The following BAZ2B variants were observed in gnomAD, a reference collection of about 807,000 sequenced individuals.
BAZ2B encodes bromodomain adjacent to zinc finger domain protein 2B.
A neutral mutation model predicts 246.0 loss-of-function variants in BAZ2B; 91 were observed. That is an observed-to-expected ratio of 0.37 (90% CI 0.31 to 0.44). The LOEUF is 0.44. Among genes scored for constraint, BAZ2B ranks in the 20% least tolerant of loss-of-function variants. The pLI is 1.00. For missense variants in BAZ2B, 2,332 were observed against 2,533.7 expected, an observed-to-expected ratio of 0.92 and a Z score of 1.71; for synonymous variants, 855 against 860.0, an observed-to-expected ratio of 0.99 and a Z score of 0.10.
chr2:159,496,312 G>A (rs1205608960), intron 2 of BAZ2B, among the ~76,000 whole-genome samples: 1 of 146,496 alleles, frequency 6.8e-6, no homozygotes, highest in Non-Finnish European at 1.5e-5. Context: ...GGAGGCGGAG[G>A]TTGCAGTAAG....
intron 2 of BAZ2B, among the ~76,000 whole-genome samples, chr2:159,534,914 A>G (rs1367172154): frequency 2.6e-5 from 4 of 152,210 alleles, no homozygotes; most frequent in African/African-American, 9.6e-5. Context: ...GCCTCCAAAC[A>G]TAAGTTCTAA....
chr2:159,527,834 T>C (rs932108226), intron 2 of BAZ2B, among the ~76,000 whole-genome samples: 1 of 152,220 alleles, frequency 6.6e-6, no homozygotes, highest in Non-Finnish European at 1.5e-5. Flanking sequence ...GAGTTATACA[T>C]GAGTGCACCT....
chr2:159,711,893 G>A, the BAZ2B span: 1 of 152,096 alleles, frequency 6.6e-6, no homozygotes, highest in African/African-American at 2.4e-5. Context: ...TAAAAGACAT[G>A]ATCACCATCA....
chr2:159,502,056 G>A (rs1417314785), intron 2 of BAZ2B, among the ~76,000 whole-genome samples: 2 of 152,098 alleles, frequency 1.3e-5, no homozygotes, highest in East Asian at 3.9e-4. Context: ...CTAAGTAAAA[G>A]AAGCCAGTCA....
chr2:159,570,184 T>G (rs1299457481), intron 1 of BAZ2B, among the ~76,000 whole-genome samples: 5 of 151,020 alleles, frequency 3.3e-5, no homozygotes, highest in East Asian at 1.9e-4. Context: ...TTTTTTTTGT[T>G]TTTTTTGTTT....
intron 25 of BAZ2B, among the ~76,000 whole-genome samples, chr2:159,377,891 T>C (rs2061590131): frequency 6.6e-6 from 1 of 150,544 alleles, no homozygotes; most frequent in Admixed American, 6.6e-5. Context: ...GATTTTCAAA[T>C]AGTCTATGTG....
At chr2:159,363,159 G>A (rs1235227900) in intron 27 of BAZ2B, among the ~76,000 whole-genome samples, 1 of 152,194 alleles carries the variant, frequency 6.6e-6, no homozygotes, top group Non-Finnish European at 1.5e-5. Flanking sequence ...ACAATGAGCA[G>A]TCTGGGTTGA....
intron 3 of BAZ2B, among the ~76,000 whole-genome samples, chr2:159,477,326 A>AAT (rs911131587): frequency 5.9e-5 from 9 of 151,560 alleles, no homozygotes; most frequent in Non-Finnish European, 1.2e-4. Context: ...AAAATTAAAA[A>AAT]ATATATATAT....
chr2:159,320,750 T>G (rs926096149), intron 36 of BAZ2B, among the ~76,000 whole-genome samples: 1 of 152,206 alleles, frequency 6.6e-6, no homozygotes, highest in Non-Finnish European at 1.5e-5. Context: ...TTGACTAGTT[T>G]ATTAAGTTCT....
At chr2:159,649,726 C>G in the BAZ2B span, among the ~76,000 whole-genome samples, 1 of 152,096 alleles carries the variant, frequency 6.6e-6, no homozygotes, top group African/African-American at 2.4e-5. Context: ...TGAGTTTCTT[C>G]AGTTTCTGGG....
At chr2:159,574,843 G>A (rs773641934) in intron 1 of BAZ2B, among the ~76,000 whole-genome samples, 33 of 151,876 alleles carry the variant, frequency 2.2e-4, no homozygotes, top group Non-Finnish European at 4.0e-4. Context: ...GGTGGCATGC[G>A]CCTGTAATCC....
the BAZ2B span, among the ~76,000 whole-genome samples, chr2:159,656,204 T>A: frequency 1.3e-5 from 2 of 152,158 alleles, no homozygotes; most frequent in South Asian, 4.1e-4. Flanking sequence ...TTTAAAGCAA[T>A]TGTAGTTTTA....
At chr2:159,482,528 G>A (rs966165738) in intron 2 of BAZ2B, among the ~76,000 whole-genome samples, 1 of 151,700 alleles carries the variant, frequency 6.6e-6, no homozygotes, top group African/African-American at 2.4e-5. Flanking sequence ...GAAACCTCAA[G>A]GTATTCTAAA....
chr2:159,358,728 C>T (rs2059378736), intron 27 of BAZ2B, among the ~76,000 whole-genome samples: 1 of 152,182 alleles, frequency 6.6e-6, no homozygotes, highest in African/African-American at 2.4e-5. Flanking sequence ...CACTCCTCAG[C>T]AAATGCAAAA....
chr2:159,453,507 A>G, intron 4 of BAZ2B, 106 bp downstream of exon 4: 1 of 1,269,450 alleles, frequency 7.9e-7, no homozygotes, highest in South Asian at 2.0e-5. Context: ...AAAGTTTTAA[A>G]TATACCAGGC....
intron 31 of BAZ2B, among the ~76,000 whole-genome samples, chr2:159,340,096 A>G (rs2066372121): frequency 6.6e-6 from 1 of 152,154 alleles, no homozygotes; most frequent in Non-Finnish European, 1.5e-5. Context: ...GAAGTTCTAG[A>G]GCTAAATAAT....
At chr2:159,459,870 T>C (rs1331426564) in intron 3 of BAZ2B, 1 of 152,136 alleles carries the variant, frequency 6.6e-6, no homozygotes, top group Non-Finnish European at 1.5e-5. Flanking sequence ...TGAAAACTTT[T>C]GAGTTCTGCT....
intron 20 of BAZ2B, 58 bp downstream of exon 20, chr2:159,395,711 T>C: frequency 7.0e-7 from 1 of 1,438,216 alleles, no homozygotes. Context: ...GAAGAGCCAA[T>C]GCTTTAGGAA....
intron 1 of BAZ2B, among the ~76,000 whole-genome samples, chr2:159,594,317 G>A (rs1690104737): frequency 1.3e-5 from 2 of 152,186 alleles, no homozygotes; most frequent in Non-Finnish European, 2.9e-5. Flanking sequence ...TAAGGCAGGA[G>A]AATGGCATGA....
Sources: gnomAD v4.1 joint callset for allele counts (sites outside exome capture counted in the v4.1 genomes callset) on GRCh38, gnomAD v4.1.1 for gene constraint, MANE v1.5 for transcripts, NCBI Gene and HGNC (gene_info 2026-07-23, HGNC 2026-07-21) for gene names.